NAA16: variants seen among roughly 807,000 people sequenced by gnomAD.
NAA16 encodes NARG1-like protein.
NAA16 carries 97 observed loss-of-function variants against 110.3 expected under a neutral mutation model. The observed-to-expected ratio is 0.88, with a 90% CI of 0.75 to 1.04. The LOEUF (loss-of-function observed/expected upper bound fraction) is 1.04, where lower values mean the gene tolerates loss of function less well. Among genes scored for constraint, NAA16 ranks in the 50% least tolerant of loss-of-function variants. The pLI is 0.00. For missense variants in NAA16, 1,017 were observed against 1,005.1 expected (o/e 1.01, Z -0.16); for synonymous variants, 372 against 330.6 (o/e 1.13, Z -1.36).
intron 9 of NAA16, among the ~76,000 whole-genome samples, chr13:41,351,678 A>G (rs1464123141): frequency 6.6e-6 from 1 of 152,248 alleles, no homozygotes; most frequent in Non-Finnish European, 1.5e-5. Context: ...AACAAAGATA[A>G]AAAGCTTCTT....
At chr13:41,341,503 G>C (rs2042545724) in intron 9 of NAA16, among the ~76,000 whole-genome samples, 1 of 152,158 alleles carries the variant, frequency 6.6e-6, no homozygotes, top group Admixed American at 6.5e-5. Flanking sequence ...GATCGCTTGA[G>C]ATCAGGAGTT....
chr13:41,374,876 A>G (rs751098344), intron 19 of NAA16, 37 bp downstream of exon 19: 48 of 1,270,012 alleles, frequency 3.8e-5, no homozygotes, highest in Non-Finnish European at 5.4e-5. Context: ...ATGCTTACAC[A>G]GTGATCTAAC....
At chr13:41,373,838 C>CT in intron 18 of NAA16, 58 bp downstream of exon 18, 2 of 1,526,614 alleles carry the variant, frequency 1.3e-6, no homozygotes, top group Non-Finnish European at 1.7e-6. Context: ...AAAGAGAAAG[C>CT]TTTGACACCC....
Position 41,372,819 on chromosome 13 carries a change from T to G in NAA16, c.2144T>G (p.Phe715Cys). 1 of 1,579,140 alleles carries G rather than the reference T, an allele frequency of 6.3e-7. No homozygotes were observed. The highest frequency in any genetic ancestry group is 8.6e-7 in the Non-Finnish European group (1 of 1,158,942). Reference protein sequence around the residue: ...NPWLHECLIRFSKSVSNHSNL... With the variant: ...NPWLHECLIRCSKSVSNHSNL... ...TGGTTACATGAATGTTTAATTAGAT[T>G]TTCTAAATCTGGTAAGTATAAAAAA... The change falls in exon 17 of 20, where the codon TTT (phenylalanine) becomes TGT (cysteine). Residue 715 changes from phenylalanine to cysteine, a missense_variant. Phe to Cys is a radical substitution (Grantham distance 205). Coordinates refer to ENST00000379406, the MANE Select transcript of NAA16 (RefSeq NM_024561.5).
intron 9 of NAA16, among the ~76,000 whole-genome samples, chr13:41,342,717 G>T (rs748980088): frequency 6.6e-6 from 1 of 152,136 alleles, no homozygotes; most frequent in East Asian, 1.9e-4. Context: ...TTTCTGTAAC[G>T]CCCATAGATA....
chr13:41,336,860 C>G, intron 9 of NAA16, 104 bp downstream of exon 9: 2 of 601,578 alleles, frequency 3.3e-6, no homozygotes. Context: ...TTCTTTGTTT[C>G]AGTAATGTTA....
intron 1 of NAA16, among the ~76,000 whole-genome samples, chr13:41,313,719 C>T (rs1408952824): frequency 1.3e-5 from 2 of 152,114 alleles, no homozygotes. Context: ...TGGAGGTATT[C>T]CATGCCCTCT....
chr13:41,342,097 G>T (rs549409201), intron 9 of NAA16, among the ~76,000 whole-genome samples: 3 of 150,546 alleles, frequency 2.0e-5, no homozygotes, highest in Admixed American at 2.0e-4. Context: ...CTCCCAAAGT[G>T]CAGGGATTAC....
At chr13:41,317,011 C>G in intron 2 of NAA16, 81 bp downstream of exon 2, 1 of 972,006 alleles carries the variant, frequency 1.0e-6, no homozygotes, top group Non-Finnish European at 1.7e-6. Context: ...AGTATTTCCC[C>G]GATTCCAGGG....
intron 9 of NAA16, among the ~76,000 whole-genome samples, chr13:41,340,474 A>G (rs2042506757): frequency 6.6e-6 from 1 of 151,940 alleles, no homozygotes; most frequent in African/African-American, 2.4e-5. Context: ...TTAGTGCTAT[A>G]AATTTCCCTC....
At chr13:41,352,121 C>T (rs909323834) in intron 9 of NAA16, among the ~76,000 whole-genome samples, 4 of 152,126 alleles carry the variant, frequency 2.6e-5, no homozygotes, top group Non-Finnish European at 4.4e-5. Flanking sequence ...GTGGGCAGAT[C>T]GCTTGCGCTC....
intron 13 of NAA16, among the ~76,000 whole-genome samples, chr13:41,365,585 T>C (rs1041962204): frequency 3.3e-5 from 5 of 152,250 alleles, no homozygotes; most frequent in East Asian, 1.9e-4. Flanking sequence ...ATATTCTGTC[T>C]ATCACCATTA....
intron 5 of NAA16, 46 bp downstream of exon 5, chr13:41,323,236 G>T: frequency 6.3e-7 from 1 of 1,585,814 alleles, no homozygotes; most frequent in East Asian, 2.2e-5. Flanking sequence ...TGGAGTAGTT[G>T]ACTTCTAAAT....
At chr13:41,340,691 T>TAC (rs2042517038) in intron 9 of NAA16, among the ~76,000 whole-genome samples, 5 of 105,376 alleles carry the variant, frequency 4.7e-5, no homozygotes, top group African/African-American at 2.3e-4. Context: ...TTTTTTTTTT[T>TAC]CCGAGACGGA....
At chr13:41,344,885 A>T (rs2042640633) in intron 9 of NAA16, among the ~76,000 whole-genome samples, 1 of 152,194 alleles carries the variant, frequency 6.6e-6, no homozygotes, top group Non-Finnish European at 1.5e-5. Flanking sequence ...TAATTCTCTC[A>T]CAACCTTCAC....
chr13:41,367,127 TTAAAAC>T (rs1275038443), intron 13 of NAA16, among the ~76,000 whole-genome samples: 2 of 152,194 alleles, frequency 1.3e-5, no homozygotes, highest in African/African-American at 2.4e-5. Flanking sequence ...GAGTATTTCA[TTAAAAC>T]TAAAATATTA....
At position 41,372,301 on chromosome 13, in the gene NAA16, T is replaced by G. The variant is rs1483354531; in HGVS notation, c.2046T>G (p.Tyr682Ter). Residue 682 changes from tyrosine to a stop codon, truncating the protein, a stop_gained, in exon 16 of 20, where the codon TAT (tyrosine) becomes TAG (stop). Coordinates refer to ENST00000379406, the MANE Select transcript of NAA16 (RefSeq NM_024561.5). LOFTEE classifies it high-confidence loss of function. ...IDTHLLAFEI[Y>*]FRKGKFLLML... The stretch of plus-strand genomic sequence containing the variant: ...CTCATCTGTTAGCATTTGAAATATA[T>G]TTTAGAAAAGGTAATAAATAGTTTG... 1 of 1,587,300 alleles carries G rather than the reference T, an allele frequency of 6.3e-7. No individual in the cohort carries two copies. Among genetic ancestry groups the G allele is most frequent in the Non-Finnish European group, 8.6e-7 (1 of 1,168,838 alleles).
intron 2 of NAA16, among the ~76,000 whole-genome samples, chr13:41,317,907 T>C (rs2041849069): frequency 1.3e-5 from 2 of 152,204 alleles, no homozygotes; most frequent in Non-Finnish European, 1.5e-5. Flanking sequence ...TTAACTTCCT[T>C]ACATGTTTTT....
chr13:41,332,636 CTTT>C (rs1289988465), intron 8 of NAA16, among the ~76,000 whole-genome samples: 1 of 152,046 alleles, frequency 6.6e-6, no homozygotes, highest in Non-Finnish European at 1.5e-5. Flanking sequence ...TCTGGTATTT[CTTT>C]TGACACAAGT....
Sources: gnomAD v4.1 joint callset for allele counts (sites outside exome capture counted in the v4.1 genomes callset) on GRCh38, gnomAD v4.1.1 for gene constraint, MANE v1.5 for transcripts, NCBI Gene and HGNC (gene_info 2026-07-23, HGNC 2026-07-21) for gene names.